CLINT1: variants seen among roughly 807,000 people sequenced by gnomAD.
CLINT1 encodes clathrin interactor 1.
A neutral mutation model predicts 70.4 loss-of-function variants in CLINT1; 15 were observed. That is an observed-to-expected ratio of 0.21 (90% CI 0.14 to 0.33). The LOEUF is 0.33. Among genes scored for constraint, CLINT1 ranks in the 10% least tolerant of loss-of-function variants. The pLI, the probability that CLINT1 is intolerant of heterozygous loss-of-function variation, is 1.00. For synonymous variants in CLINT1, 227 were observed against 254.7 expected (o/e 0.89, Z 1.04); for missense variants, 615 against 778.1 (o/e 0.79, Z 2.49).
intron 10 of CLINT1, among the ~76,000 whole-genome samples, chr5:157,790,901 C>T (rs911345753): frequency 1.3e-5 from 2 of 152,062 alleles, no homozygotes; most frequent in African/African-American, 4.8e-5. Context: ...TAATGTAGAG[C>T]AGGTCCAGAA....
In CLINT1 at chr5:157,817,517, G is replaced by C; in HGVS notation, c.72C>G (p.Ile24Met). ...ATNVVMNYSE[I>M]ESKVREATND... ...TCGTTGCCTCTCGAACCTTAGACTC[G>C]ATCTCTGAATAATTCATAACAACAT... Residue 24 changes from isoleucine (I) to methionine (M), a missense_variant, in exon 2 of 12, where the codon ATC becomes ATG. Around this residue, in one of 2 missense-constraint regions of CLINT1, gnomAD observed 241 missense variants for 368.6 expected, o/e 0.65. Transcript: ENST00000411809. 2.5e-6 allele frequency: 4 copies of C among 1,603,600 alleles called. No individual in the cohort carries two copies. Among genetic ancestry groups the C allele is most frequent in the Non-Finnish European group, 3.4e-6 (4 of 1,174,632 alleles).
At chr5:157,814,984 G>A (rs1441023152) in intron 3 of CLINT1, among the ~76,000 whole-genome samples, 1 of 148,702 alleles carries the variant, frequency 6.7e-6, no homozygotes, top group East Asian at 2.0e-4. Context: ...AGTGAGCTGA[G>A]CCCGCACCAC....
At chr5:157,822,373 G>C (rs1461954983) in intron 1 of CLINT1, among the ~76,000 whole-genome samples, 1 of 152,104 alleles carries the variant, frequency 6.6e-6, no homozygotes, top group Non-Finnish European at 1.5e-5. Flanking sequence ...AGGGGTTTCT[G>C]CTTTTGCCTC....
intron 1 of CLINT1, among the ~76,000 whole-genome samples, chr5:157,840,939 C>T (rs1293852774): frequency 6.6e-6 from 1 of 151,888 alleles, no homozygotes; most frequent in South Asian, 2.1e-4. Context: ...AAGTAACATA[C>T]ACTTGGAACA....
At chr5:157,800,849 G>A (rs1449953551) in intron 8 of CLINT1, among the ~76,000 whole-genome samples, 1 of 152,186 alleles carries the variant, frequency 6.6e-6, no homozygotes, top group Non-Finnish European at 1.5e-5. Context: ...TCTGTTCAAA[G>A]CAATCTTGAT....
In CLINT1 at chr5:157,809,654, A is replaced by C. The variant is rs1200864782; in HGVS notation, c.669T>G (p.Asp223Glu). ...DDTISKFRRK[D>E]REDSPERCSD... ...TGCATCTTTCTGGAGAGTCTTCTCT[A>C]TCTTTCCTCCGGAACTTGCTGATGG... Residue 223 changes from aspartate to glutamate, a missense_variant, in exon 6 of 12, where the codon GAT becomes GAG. Coordinates refer to ENST00000411809, the MANE Select transcript of CLINT1 (RefSeq NM_014666.4). 1.2e-6 allele frequency: 2 copies of C among 1,611,746 alleles called. No individual in the cohort carries two copies. Among genetic ancestry groups the C allele is most frequent in the African/African-American group, 2.7e-5 (2 of 74,660 alleles).
At chr5:157,850,768 C>A (rs1753545020) in intron 1 of CLINT1, among the ~76,000 whole-genome samples, 1 of 151,514 alleles carries the variant, frequency 6.6e-6, no homozygotes, top group African/African-American at 2.4e-5. Flanking sequence ...CTCAGTATGC[C>A]TATTAGCATT....
At chr5:157,840,646 T>G (rs2113298742) in intron 1 of CLINT1, among the ~76,000 whole-genome samples, 1 of 151,754 alleles carries the variant, frequency 6.6e-6, no homozygotes, top group Non-Finnish European at 1.5e-5. Context: ...CAAGCAAAGA[T>G]GGCAAAATCT....
chr5:157,857,015 T>C (rs1753779831), intron 1 of CLINT1, among the ~76,000 whole-genome samples: 1 of 152,202 alleles, frequency 6.6e-6, no homozygotes. Context: ...AATTTTTGAG[T>C]ACCACAAATT....
chr5:157,841,578 A>G (rs956082272), intron 1 of CLINT1, among the ~76,000 whole-genome samples: 2 of 152,126 alleles, frequency 1.3e-5, no homozygotes, highest in African/African-American at 4.8e-5. Context: ...AAAAAAAGAA[A>G]AAAGAAAAGG....
chr5:157,812,938 T>C lies in CLINT1; in HGVS notation c.517+125A>G, dbSNP rs1394553076. 7 of 844,868 alleles carry C rather than the reference T, an allele frequency of 8.3e-6. No individual in the cohort carries two copies. In the Admixed American group the frequency reaches 2.0e-4, roughly 24 times the overall value. 52.3% of individuals were successfully genotyped at this position (844,868 alleles called of 1,614,324 possible). A position where few individuals can be genotyped will look rare whatever the true frequency, so the allele number is the denominator to read the frequency against. On this transcript the variant is annotated intron_variant, in intron 5 of 11. Coordinates refer to ENST00000411809, the MANE Select transcript of CLINT1 (RefSeq NM_014666.4). ...AAGTCAAGATTAGTACTGCGTGTAT[T>C]TTAGTATTCTATGTATTCCTAGAAA...
chr5:157,807,383 C>T (rs1048723175), intron 6 of CLINT1, among the ~76,000 whole-genome samples: 3 of 151,932 alleles, frequency 2.0e-5, no homozygotes, highest in East Asian at 1.9e-4. Flanking sequence ...TTTTGGTGTC[C>T]AATTTTATTT....
At chr5:157,791,306 C>T (rs904749914) in intron 10 of CLINT1, among the ~76,000 whole-genome samples, 19 of 152,130 alleles carry the variant, frequency 1.2e-4, no homozygotes, top group African/African-American at 4.8e-5. Context: ...GATCCACCCA[C>T]CTCAGCCTCC....
chr5:157,841,065 C>T (rs569043046), intron 1 of CLINT1, among the ~76,000 whole-genome samples: 1 of 152,102 alleles, frequency 6.6e-6, no homozygotes, highest in South Asian at 2.1e-4. Flanking sequence ...AGTTCAAGAC[C>T]AGCCTGGGCA....
chr5:157,852,537 TTGTG>T (rs1398134628), intron 1 of CLINT1, among the ~76,000 whole-genome samples: 1 of 152,226 alleles, frequency 6.6e-6, no homozygotes, highest in African/African-American at 2.4e-5. Context: ...TTATACTGTT[TTGTG>T]TGTAACAGTA....
intron 8 of CLINT1, among the ~76,000 whole-genome samples, chr5:157,801,757 A>T (rs1183900725): frequency 6.6e-6 from 1 of 152,184 alleles, no homozygotes; most frequent in African/African-American, 2.4e-5. Flanking sequence ...TGCTTGAATA[A>T]AGTTCATGCC....
chr5:157,848,307 G>T (rs1341288714), intron 1 of CLINT1, among the ~76,000 whole-genome samples: 1 of 149,970 alleles, frequency 6.7e-6, no homozygotes. Context: ...ACATTGGCCA[G>T]ACTGGTCTTG....
intron 3 of CLINT1, among the ~76,000 whole-genome samples, chr5:157,815,537 C>T (rs939466510): frequency 2.6e-5 from 4 of 151,892 alleles, no homozygotes; most frequent in East Asian, 1.9e-4. Flanking sequence ...TCTAGTTAGG[C>T]GGAAAGGAGG....
intron 5 of CLINT1, among the ~76,000 whole-genome samples, chr5:157,811,764 A>G (rs1480100617): frequency 6.6e-6 from 1 of 152,160 alleles, no homozygotes; most frequent in Non-Finnish European, 1.5e-5. Flanking sequence ...ATGCTGGCAA[A>G]AAGAAAGATA....
Sources: allele counts gnomAD v4.1 joint callset (sites outside exome capture counted in the v4.1 genomes callset), GRCh38; gene constraint gnomAD v4.1.1; regional missense constraint gnomAD v4.1.1; transcripts MANE v1.5; gene names NCBI Gene and HGNC (gene_info 2026-07-23, HGNC 2026-07-21).